Variants in DMD observed in about 807,000 individuals in gnomAD.
DMD encodes mutant dystrophin.
DMD carries 63 observed loss-of-function variants against 330.1 expected under a neutral mutation model. The ratio of observed to expected loss-of-function variants is 0.19; its 90% CI spans 0.16 to 0.24. DMD has a LOEUF of 0.24. DMD is among the 10% of genes least tolerant of loss of function. The pLI is 1.00. For synonymous variants in DMD, 1,223 were observed against 959.8 expected (o/e 1.27, Z -5.07); for missense variants, 3,344 against 2,684.1 (o/e 1.25, Z -5.43).
At chrX:32,472,858 A>G (rs978282279) in intron 21 of DMD, among the ~76,000 whole-genome samples, 1 of 111,220 alleles carries the variant, frequency 9.0e-6, no homozygotes, top group Non-Finnish European at 1.9e-5. Context: ...CCCCATAAAT[A>G]TTATCATTCT....
intron 13 of DMD, among the ~76,000 whole-genome samples, chrX:32,578,194 T>C (rs906393134): frequency 1.8e-5 from 2 of 109,053 alleles, no homozygotes; most frequent in Non-Finnish European, 3.8e-5. Flanking sequence ...ACCTCTTCTC[T>C]AGAGAAAAAA....
At chrX:32,370,463 GA>G (rs2097871192) in intron 34 of DMD, among the ~76,000 whole-genome samples, 1 of 111,114 alleles carries the variant, frequency 9.0e-6, no homozygotes, top group Admixed American at 9.6e-5. Context: ...AATGTGTATT[GA>G]CTTTTTAATA....
intron 44 of DMD, among the ~76,000 whole-genome samples, chrX:32,029,844 A>T (rs111369542): frequency 0.027 from 3,011 of 111,491 alleles, 102 homozygotes; most frequent in African/African-American, 0.092. Flanking sequence ...TTCTCCGGTA[A>T]CCTTTCCCCC....
chrX:31,580,404 G>C (rs1403765153), intron 55 of DMD, among the ~76,000 whole-genome samples: 1 of 111,439 alleles, frequency 9.0e-6, no homozygotes, highest in Non-Finnish European at 1.9e-5. Flanking sequence ...AGATGTGAGC[G>C]ATAGAGCTGT....
chrX:33,277,806 A>ATTATTAT (rs2053259100), intron 1 of DMD, among the ~76,000 whole-genome samples: 1 of 111,591 alleles, frequency 9.0e-6, no homozygotes, highest in Non-Finnish European at 1.9e-5. Context: ...ATGTTACTTC[A>ATTATTAT]GAAATGTTAC....
chrX:31,152,721 G>A (rs1454233228), intron 74 of DMD, among the ~76,000 whole-genome samples: 1 of 111,249 alleles, frequency 9.0e-6, no homozygotes, highest in East Asian at 2.8e-4. Context: ...ATTATTTTTT[G>A]TAAAGATGGC....
intron 1 of DMD, among the ~76,000 whole-genome samples, chrX:33,297,158 TAC>T (rs746664730): frequency 1.0e-3 from 115 of 111,675 alleles, no homozygotes; most frequent in African/African-American, 3.4e-3. Flanking sequence ...ATTGTGAATG[TAC>T]ACACACACAT....
At chrX:32,599,768 A>T (rs1481273386) in intron 12 of DMD, among the ~76,000 whole-genome samples, 2 of 111,955 alleles carry the variant, frequency 1.8e-5, no homozygotes, top group African/African-American at 6.5e-5. Flanking sequence ...TTTATTATGC[A>T]TTTATTTTCA....
At chrX:33,226,333 GC>G (rs1447055404) in intron 1 of DMD, among the ~76,000 whole-genome samples, 1 of 111,530 alleles carries the variant, frequency 9.0e-6, no homozygotes, top group African/African-American at 3.3e-5. Flanking sequence ...CCTTCAACAG[GC>G]AAATGGTTAA....
At position 31,230,716 on chromosome X, in the gene DMD, T is replaced by C. The variant is rs149146530; in HGVS notation, c.9287-7595A>G. On this transcript the variant is annotated intron_variant, in intron 63 of 78. Transcript: ENST00000357033. ...TGGCACAAATGTGGAAGACTCAGAA[T>C]TGAGGAAAAGAGAAAAAGGTTATGA... Among the ~76,000 whole-genome samples, 727 of 109,091 alleles carry C rather than the reference T, an allele frequency of 6.7e-3. 3 individuals carry two copies. Among genetic ancestry groups the C allele is most frequent in the Middle Eastern group, 0.042 (9 of 214 alleles). 94.7% of individuals were successfully genotyped at this position (109,091 alleles called of 115,157 possible).
intron 4 of DMD, among the ~76,000 whole-genome samples, chrX:32,824,416 T>C (rs1294502795): frequency 8.9e-6 from 1 of 111,968 alleles, no homozygotes; most frequent in African/African-American, 3.2e-5. Context: ...CACTCATCAA[T>C]GAAAAGAACA....
intron 51 of DMD, among the ~76,000 whole-genome samples, chrX:31,758,385 C>T (rs2089300774): frequency 9.0e-6 from 1 of 111,271 alleles, no homozygotes; most frequent in Non-Finnish European, 1.9e-5. Context: ...GCCTTGGGCA[C>T]ACTCTGTCGT....
intron 34 of DMD, among the ~76,000 whole-genome samples, chrX:32,368,613 G>A (rs1220949382): frequency 1.8e-5 from 2 of 111,751 alleles, no homozygotes; most frequent in Non-Finnish European, 3.8e-5. Flanking sequence ...GATGTATGGA[G>A]AACCAACCTA....
intron 2 of DMD, among the ~76,000 whole-genome samples, chrX:32,976,265 G>T (rs1466895021): frequency 9.1e-6 from 1 of 110,207 alleles, no homozygotes; most frequent in East Asian, 2.8e-4. Flanking sequence ...TCTCAACTGG[G>T]CACACCACCA....
intron 53 of DMD, among the ~76,000 whole-genome samples, chrX:31,669,871 GATA>G (rs2081649869): frequency 9.7e-6 from 1 of 102,753 alleles, no homozygotes; most frequent in African/African-American, 3.5e-5. Flanking sequence ...TTGTGATTTT[GATA>G]ATGATTCCAT....
At chrX:32,717,971 A>C (rs1218789795) in intron 7 of DMD, among the ~76,000 whole-genome samples, 2 of 111,491 alleles carry the variant, frequency 1.8e-5, no homozygotes, top group African/African-American at 3.3e-5. Context: ...CTGTACCCTC[A>C]TTGTATCTTG....
At chrX:32,752,989 AG>A (rs1486543929) in intron 7 of DMD, among the ~76,000 whole-genome samples, 3 of 110,885 alleles carry the variant, frequency 2.7e-5, no homozygotes, top group Non-Finnish European at 5.7e-5. Context: ...ACCCAATCTC[AG>A]GTATCTCTTT....
chrX:31,857,979 A>G (rs1266780345), intron 48 of DMD, among the ~76,000 whole-genome samples: 1 of 110,622 alleles, frequency 9.0e-6, no homozygotes, highest in East Asian at 2.8e-4. Context: ...AGGGGGGAAA[A>G]TGATGTGAAT....
intron 59 of DMD, among the ~76,000 whole-genome samples, chrX:31,446,598 C>A (rs937517040): frequency 9.0e-6 from 1 of 111,624 alleles, no homozygotes; most frequent in African/African-American, 3.3e-5. Context: ...GTTCCATTTC[C>A]TTATGAATAA....
Sources: allele counts gnomAD v4.1 joint callset (sites outside exome capture counted in the v4.1 genomes callset), GRCh38; gene constraint gnomAD v4.1.1; transcripts MANE v1.5; gene names NCBI Gene and HGNC (gene_info 2026-07-23, HGNC 2026-07-21).